TNFSF4: variants seen among roughly 807,000 people sequenced by gnomAD.
TNFSF4 encodes TNF superfamily member 4.
TNFSF4 carries 4 observed loss-of-function variants against 7.3 expected under a neutral mutation model. The ratio of observed to expected loss-of-function variants is 0.55; its 90% CI spans 0.27 to 1.25. TNFSF4 has a LOEUF of 1.25. Ranked by LOEUF, TNFSF4 falls within the 50% of genes most tolerant of loss-of-function variation. TNFSF4 has a pLI of 0.12. For synonymous variants in TNFSF4, 76 were observed against 83.7 expected, an observed-to-expected ratio of 0.91 and a Z score of 0.50; for missense variants, 181 against 208.8, an observed-to-expected ratio of 0.87 and a Z score of 0.82.
chr1:173,288,273 C>G, the TNFSF4 span, among the ~76,000 whole-genome samples: 1 of 151,950 alleles, frequency 6.6e-6, no homozygotes, highest in Admixed American at 6.6e-5. Flanking sequence ...GGCAACATGG[C>G]AAAACTGCAT....
the TNFSF4 span, among the ~76,000 whole-genome samples, chr1:173,411,935 C>T: frequency 1.3e-5 from 2 of 151,890 alleles, no homozygotes; most frequent in African/African-American, 2.4e-5. Context: ...CTGGCCAATA[C>T]GGTGAAACCC....
the TNFSF4 span, among the ~76,000 whole-genome samples, chr1:173,252,096 A>G: frequency 6.6e-6 from 1 of 152,168 alleles, no homozygotes; most frequent in African/African-American, 2.4e-5. Context: ...CAAATGTTTT[A>G]TGTTAATAGA....
chr1:173,269,146 T>C, the TNFSF4 span, among the ~76,000 whole-genome samples: 3 of 152,118 alleles, frequency 2.0e-5, no homozygotes, highest in African/African-American at 7.2e-5. Flanking sequence ...CAAAATGTAA[T>C]TTCTAAAAGC....
rs1650240315 is a variant in TNFSF4, at chr1:173,207,313, C to G, written c.-137G>C. On this transcript the variant is annotated 5_prime_UTR_variant, in exon 1 of 3. Transcript: ENST00000281834. The stretch of plus-strand genomic sequence containing the variant: ...AGAAAATAGGCAAAGGTCCCAGGGC[C>G]AGAGATAAAAGGCGATTGAAAGAGC... 1 of 752,066 alleles carries G rather than the reference C, an allele frequency of 1.3e-6. No individual in the cohort carries two copies. The highest frequency in any genetic ancestry group is 2.0e-6 in the Non-Finnish European group (1 of 493,452). 46.6% of individuals were successfully genotyped at this position (752,066 alleles called of 1,614,324 possible).
chr1:173,432,495 G>A, the TNFSF4 span, among the ~76,000 whole-genome samples: 1 of 152,144 alleles, frequency 6.6e-6, no homozygotes, highest in Admixed American at 6.6e-5. Context: ...CAGATGAAAG[G>A]CCTTGTCTAT....
chr1:173,416,174 T>C, the TNFSF4 span, among the ~76,000 whole-genome samples: 9 of 152,126 alleles, frequency 5.9e-5, no homozygotes, highest in East Asian at 5.8e-4. Flanking sequence ...TGGGTGGTGA[T>C]AGTGTAGCTC....
the TNFSF4 span, among the ~76,000 whole-genome samples, chr1:173,316,550 A>G: frequency 6.6e-6 from 1 of 152,114 alleles, no homozygotes; most frequent in Admixed American, 6.6e-5. Flanking sequence ...TTTATGTGTT[A>G]AAATAAACAT....
chr1:173,209,702 T>C (rs1650312527), upstream of TNFSF4, among the ~76,000 whole-genome samples: 1 of 152,078 alleles, frequency 6.6e-6, no homozygotes, highest in South Asian at 2.1e-4. Context: ...AGAGACTCCC[T>C]ATGTTTCCCA....
At chr1:173,270,365 C>G in the TNFSF4 span, among the ~76,000 whole-genome samples, 1 of 152,072 alleles carries the variant, frequency 6.6e-6, no homozygotes, top group Admixed American at 6.5e-5. Context: ...ATTAGCTCAC[C>G]TAGGCAATGA....
chr1:173,417,509 C>T, the TNFSF4 span, among the ~76,000 whole-genome samples: 1 of 33,438 alleles, frequency 3.0e-5, no homozygotes, highest in African/African-American at 7.0e-5. Context: ...CACGTGGAAG[C>T]GTGGCCAGCA....
At chr1:173,268,265 T>C in the TNFSF4 span, among the ~76,000 whole-genome samples, 5 of 152,102 alleles carry the variant, frequency 3.3e-5, no homozygotes, top group Non-Finnish European at 7.4e-5. Context: ...TAATAGACCA[T>C]CTTTCACTTC....
chr1:173,220,372 C>G, the TNFSF4 span, among the ~76,000 whole-genome samples: 1 of 152,132 alleles, frequency 6.6e-6, no homozygotes, highest in Non-Finnish European at 1.5e-5. Flanking sequence ...TGCTCATTTG[C>G]ACATTTTTTC....
downstream of TNFSF4, among the ~76,000 whole-genome samples, chr1:173,180,519 C>T (rs920825978): frequency 6.6e-6 from 1 of 152,056 alleles, no homozygotes; most frequent in East Asian, 1.9e-4. Context: ...AATTGACACC[C>T]TAGAAATGAA....
At chr1:173,295,991 GA>G in the TNFSF4 span, among the ~76,000 whole-genome samples, 1 of 151,886 alleles carries the variant, frequency 6.6e-6, no homozygotes. Flanking sequence ...TTATTTGGGT[GA>G]AAAAAATTGA....
At chr1:173,225,518 C>T in the TNFSF4 span, among the ~76,000 whole-genome samples, 1 of 152,326 alleles carries the variant, frequency 6.6e-6, no homozygotes, top group South Asian at 2.1e-4. Context: ...TTACTAAACA[C>T]TATCTTTCAT....
At chr1:173,338,379 T>C in the TNFSF4 span, among the ~76,000 whole-genome samples, 46 of 152,294 alleles carry the variant, frequency 3.0e-4, no homozygotes, top group African/African-American at 9.9e-4. Flanking sequence ...TTGTTTCTGA[T>C]GAAAGAACTC....
chr1:173,361,562 G>T, the TNFSF4 span, among the ~76,000 whole-genome samples: 1 of 152,050 alleles, frequency 6.6e-6, no homozygotes, highest in Non-Finnish European at 1.5e-5. Flanking sequence ...TAGCACCACT[G>T]CACTCTAGCC....
At chr1:173,274,268 T>C in the TNFSF4 span, among the ~76,000 whole-genome samples, 1 of 152,108 alleles carries the variant, frequency 6.6e-6, no homozygotes, top group African/African-American at 2.4e-5. Flanking sequence ...AAGATCGAAG[T>C]TATTTACAAT....
chr1:173,351,032 G>T, the TNFSF4 span, among the ~76,000 whole-genome samples: 2 of 152,314 alleles, frequency 1.3e-5, no homozygotes, highest in African/African-American at 4.8e-5. Context: ...CACACTCTGA[G>T]CATTTTCTAT....
Sources: gnomAD v4.1 joint callset for allele counts (sites outside exome capture counted in the v4.1 genomes callset) on GRCh38, gnomAD v4.1.1 for gene constraint, MANE v1.5 for transcripts, NCBI Gene and HGNC (gene_info 2026-07-23, HGNC 2026-07-21) for gene names.